ZBTB41: variants seen among roughly 807,000 people sequenced by gnomAD.
ZBTB41 encodes the protein zinc finger and BTB domain containing 41.
ZBTB41 carries 42 observed loss-of-function variants against 87.6 expected under a neutral mutation model. The observed-to-expected ratio is 0.48, with a 90% CI of 0.37 to 0.62. The LOEUF (loss-of-function observed/expected upper bound fraction) is 0.62. Among genes scored for constraint, ZBTB41 ranks in the 20% least tolerant of loss-of-function variants. The probability of loss-of-function intolerance (pLI) is 0.00; values close to 1 mark genes in which losing one functional copy is unlikely to be tolerated. For synonymous variants in ZBTB41, 364 were observed against 364.0 expected (o/e 1.00, Z 0.00); for missense variants, 799 against 1,078.9 (o/e 0.74, Z 3.63).
At chr1:197,180,133 C>T (rs1441909745) in intron 6 of ZBTB41, among the ~76,000 whole-genome samples, 1 of 152,022 alleles carries the variant, frequency 6.6e-6, no homozygotes, top group Non-Finnish European at 1.5e-5. Flanking sequence ...TATTTTATAC[C>T]ATTTTTACAG....
intron 4 of ZBTB41, among the ~76,000 whole-genome samples, chr1:197,188,840 G>A (rs1454094490): frequency 1.3e-5 from 2 of 152,162 alleles, no homozygotes; most frequent in African/African-American, 4.8e-5. Flanking sequence ...ATTTTAAAGT[G>A]TATCTCTTGA....
intron 2 of ZBTB41, among the ~76,000 whole-genome samples, chr1:197,192,460 A>G (rs1164164650): frequency 6.6e-6 from 1 of 152,232 alleles, no homozygotes; most frequent in African/African-American, 2.4e-5. Flanking sequence ...AATAATAAAC[A>G]AATTCATACA....
At chr1:197,166,034 C>T (rs1659335696) in intron 10 of ZBTB41, among the ~76,000 whole-genome samples, 1 of 151,044 alleles carries the variant, frequency 6.6e-6, no homozygotes, top group Admixed American at 6.6e-5. Flanking sequence ...ACACTAAGGC[C>T]TGTTGGGGGA....
intron 4 of ZBTB41, among the ~76,000 whole-genome samples, chr1:197,190,196 C>T (rs1241132744): frequency 6.6e-6 from 1 of 152,126 alleles, no homozygotes; most frequent in Non-Finnish European, 1.5e-5. Flanking sequence ...GCTAAGATTA[C>T]AGGCATGAAC....
rs527905013 is a variant in ZBTB41 at position 197,184,438 on chromosome 1, A to T, written c.1547-3321T>A. ...TTCCTTTCCCAGACAAAAAATTTCA[A>T]GGACCATGTTTTTCACATGATAAGA... is the stretch of plus-strand genomic sequence containing the variant. On this transcript the variant is annotated intron_variant, in intron 5 of 10. Coordinates refer to ENST00000367405, the MANE Select transcript of ZBTB41 (RefSeq NM_194314.3). 4.6e-5 allele frequency among the ~76,000 whole-genome samples: 7 copies of T among 152,308 alleles called. 1 individual carries two copies. In the South Asian group the frequency reaches 1.5e-3, roughly 32 times the overall value.
rs1464818714 is a variant in ZBTB41, at chr1:197,199,610, T to C, written c.864A>G (p.Glu288=). ...CCTCAGAATCATTTCTATCTGACTT[T>C]TCCTTATCAAAATTTTCTTGATTCA... ...DNLNQENFDK[E]KSDRNDSEDP... is the part of the protein sequence containing the mutation. The change falls in exon 2 of 11, where the codon GAA becomes GAG. Residue 288 remains glutamate, a synonymous_variant. Coordinates refer to ENST00000367405, the MANE Select transcript of ZBTB41 (RefSeq NM_194314.3). 4.3e-6 allele frequency: 7 copies of C among 1,610,720 alleles called. No homozygotes were observed. The highest frequency in any genetic ancestry group is 5.1e-6 in the Non-Finnish European group (6 of 1,179,236).
In ZBTB41 at chr1:197,191,818, T is replaced by C. The variant is rs781767165; in HGVS notation, c.1202A>G (p.Lys401Arg). 6.2e-7 allele frequency: 1 copy of C among 1,613,958 alleles called. No individual in the cohort carries two copies. Among genetic ancestry groups the C allele is most frequent in the Non-Finnish European group, 8.5e-7 (1 of 1,179,912 alleles). ...CDICHQRYSTKSNLTVHRKKH... is the reference protein window; with the variant it reads ...CDICHQRYSTRSNLTVHRKKH... ...CTTTCTGTGAACAGTTAGGTTAGAC[T>C]TTGTTGAATAGCGCTGGTGACAAAT... The change falls in exon 3 of 11, where the codon AAG (lysine) becomes AGG (arginine). Residue 401 changes from lysine (K) to arginine (R), a missense_variant. Coordinates refer to ENST00000367405, the MANE Select transcript of ZBTB41 (RefSeq NM_194314.3).
chr1:197,200,448 G>A lies in ZBTB41; in HGVS notation c.26C>T (p.Ser9Leu). MKKRRKVT[S>L]NLEKIHLGYH... ...GCCTAGATGGATCTTCTCAAGATTT[G>A]AAGTAACCTTTCTCCTCTTCTTCAT... Residue 9 changes from serine to leucine, a missense_variant, in exon 2 of 11, where the codon TCA becomes TTA. Physicochemically the swap from Ser to Leu is moderately radical, Grantham distance 145. Coordinates refer to ENST00000367405, the MANE Select transcript of ZBTB41 (RefSeq NM_194314.3). 2 of 1,599,156 alleles carry A rather than the reference G, an allele frequency of 1.3e-6. No homozygotes were observed. Among genetic ancestry groups the A allele is most frequent in the Non-Finnish European group, 1.7e-6 (2 of 1,175,018 alleles).
At chr1:197,177,530 A>G (rs1009074475) in intron 7 of ZBTB41, among the ~76,000 whole-genome samples, 2 of 152,150 alleles carry the variant, frequency 1.3e-5, no homozygotes, top group Non-Finnish European at 2.9e-5. Context: ...TATCAACTAC[A>G]AACTGATATT....
Position 197,155,364 on chromosome 1 carries a change from C to A in ZBTB41, c.*3995G>T, listed in dbSNP as rs1659041425. On this transcript the variant is annotated 3_prime_UTR_variant, in exon 11 of 11. Coordinates refer to ENST00000367405, the MANE Select transcript of ZBTB41 (RefSeq NM_194314.3). ...GCAACACAATCATAACACCCATAAC[C>A]AAAAAAAAATAAAAATAAAAATCTA... 1 of 148,486 alleles carries A rather than the reference C, an allele frequency of 6.7e-6. No individual in the cohort carries two copies. Among genetic ancestry groups the A allele is most frequent in the African/African-American group, 2.5e-5 (1 of 40,474 alleles). The allele number at this position is 148,486 out of a possible 1,614,324, so 9.2% of individuals were successfully genotyped here.
chr1:197,168,052 T>C (rs1316520338), intron 10 of ZBTB41, among the ~76,000 whole-genome samples: 2 of 152,110 alleles, frequency 1.3e-5, no homozygotes, highest in Non-Finnish European at 2.9e-5. Context: ...TAAAATTTAA[T>C]AGAAATTTAG....
In ZBTB41 at chr1:197,154,835, C is replaced by T. The variant is rs1442390276; in HGVS notation, c.*4524G>A. On this transcript the variant is annotated 3_prime_UTR_variant, in exon 11 of 11. Transcript: ENST00000367405. ...ACAGCAAGTAGCATTTACTATAACACTACTTAAAGTTTTAGAAATGCTACT... is the reference window on the plus strand; with the variant it reads ...ACAGCAAGTAGCATTTACTATAACATTACTTAAAGTTTTAGAAATGCTACT... The T allele has an allele frequency of 6.6e-6, 1 of 152,490 alleles. No individual in the cohort carries two copies. The highest frequency in any genetic ancestry group is 6.5e-5 in the Admixed American group (1 of 15,270). 9.4% of individuals were successfully genotyped at this position (152,490 alleles called of 1,614,324 possible).
rs201676275 is a variant in ZBTB41, at chr1:197,159,378, G to A, written c.2711C>T (p.Thr904Met). ...ATTTACTCATGAATGATGCTCATTC[G>A]TAGAAATATTTTGAACACCAGTAGT... ...DSTTGVQNISTNEHHS is the reference protein window; with the variant it reads ...DSTTGVQNISMNEHHS The change falls in exon 11 of 11, where the codon ACG (threonine) becomes ATG (methionine). Residue 904 changes from threonine to methionine, a missense_variant. Coordinates refer to ENST00000367405, the MANE Select transcript of ZBTB41 (RefSeq NM_194314.3). The A allele has an allele frequency of 1.4e-5, 23 of 1,613,518 alleles. No individual in the cohort carries two copies. Among genetic ancestry groups the A allele is most frequent in the African/African-American group, 2.7e-5 (2 of 75,020 alleles).
rs564928671 is a variant in ZBTB41 at position 197,156,279 on chromosome 1, A to G, written c.*3080T>C. The G allele has an allele frequency of 6.6e-5, 10 of 152,264 alleles. No homozygotes were observed. The East Asian group carries it at 1.5e-3, about 24-fold the overall frequency. The allele number at this position is 152,264 out of a possible 1,614,324, so 9.4% of individuals were successfully genotyped here. ...TTGGACAAATAGTTATTCAAGCAAG[A>G]AAGAATTTAAAGTCTTTTAAACTAT... On this transcript the variant is annotated 3_prime_UTR_variant, in exon 11 of 11. Transcript: ENST00000367405.
At chr1:197,175,657 T>C (rs866724427) in intron 8 of ZBTB41, among the ~76,000 whole-genome samples, 3 of 151,356 alleles carry the variant, frequency 2.0e-5, no homozygotes, top group Non-Finnish European at 3.0e-5. Flanking sequence ...TCTCTATTCT[T>C]ACATTTACTT....
At position 197,158,452 on chromosome 1, in the gene ZBTB41, GT is replaced by G; in HGVS notation, c.*906del. The G allele has an allele frequency of 6.6e-6, 1 of 152,378 alleles. No homozygotes were observed. The highest frequency in any genetic ancestry group is 1.9e-4 in the East Asian group (1 of 5,196). The allele number at this position is 152,378 out of a possible 1,614,324, so 9.4% of individuals were successfully genotyped here. A position where few individuals can be genotyped will look rare whatever the true frequency, so the allele number is the denominator to read the frequency against. ...ATCAGCCAAGTAAATGAAATCAAAA[GT>G]AGCATGTTTAATTAAATTTCATTGA... On this transcript the variant is annotated 3_prime_UTR_variant, in exon 11 of 11. Coordinates refer to ENST00000367405, the MANE Select transcript of ZBTB41 (RefSeq NM_194314.3).
intron 10 of ZBTB41, among the ~76,000 whole-genome samples, chr1:197,164,721 T>A (rs12131352): frequency 3.1e-5 from 3 of 97,114 alleles, no homozygotes; most frequent in Non-Finnish European, 4.4e-5. Context: ...ATTATATATA[T>A]TATATATAAT....
chr1:197,165,436 C>T (rs940612789), intron 10 of ZBTB41, among the ~76,000 whole-genome samples: 3 of 151,742 alleles, frequency 2.0e-5, no homozygotes, highest in South Asian at 2.1e-4. Context: ...GGTGAAACCC[C>T]GTCTCTACTA....
chr1:197,197,552 A>AGAGGGGGGGAAGGAGGGAGG (rs1660197146), intron 2 of ZBTB41, among the ~76,000 whole-genome samples: 1 of 87,950 alleles, frequency 1.1e-5, no homozygotes, highest in Non-Finnish European at 2.2e-5. Flanking sequence ...CAGGAGGGAG[A>AGAGGGGGGGAAGGAGGGAGG]GAGGGAGGGA....
Sources: allele counts gnomAD v4.1 joint callset (sites outside exome capture counted in the v4.1 genomes callset), GRCh38; gene constraint gnomAD v4.1.1; transcripts MANE v1.5; gene names NCBI Gene and HGNC (gene_info 2026-07-23, HGNC 2026-07-21).